The following GPC5 variants were observed in gnomAD, a reference collection of about 807,000 sequenced individuals.
GPC5 encodes glypican 5, also known as glypican-5.
A neutral mutation model predicts 53.9 loss-of-function variants in GPC5; 47 were observed. The observed-to-expected ratio is 0.87, with a 90% CI of 0.69 to 1.11. The LOEUF (loss-of-function observed/expected upper bound fraction) is 1.11. GPC5 is among the 50% of genes most tolerant of loss of function. GPC5 has a pLI of 0.00. For synonymous variants in GPC5, 286 were observed against 263.3 expected (o/e 1.09, Z -0.84); for missense variants, 748 against 713.1 (o/e 1.05, Z -0.56).
chr13:91,468,666 T>A (rs2139170128), intron 2 of GPC5, among the ~76,000 whole-genome samples: 1 of 152,224 alleles, frequency 6.6e-6, no homozygotes, highest in Admixed American at 6.5e-5. Flanking sequence ...GAACTGTGAA[T>A]CCATAAATTT....
At chr13:92,574,235 A>T (rs1202143994) in intron 7 of GPC5, among the ~76,000 whole-genome samples, 2 of 152,210 alleles carry the variant, frequency 1.3e-5, no homozygotes, top group Non-Finnish European at 2.9e-5. Flanking sequence ...AATGACTTTT[A>T]TCTAAATCCT....
intron 7 of GPC5, among the ~76,000 whole-genome samples, chr13:92,507,541 G>A (rs1465361730): frequency 6.6e-6 from 1 of 152,092 alleles, no homozygotes; most frequent in African/African-American, 2.4e-5. Flanking sequence ...TCACATAAGA[G>A]TGTGCAATTG....
intron 2 of GPC5, among the ~76,000 whole-genome samples, chr13:91,645,584 A>T (rs899913346): frequency 6.6e-6 from 1 of 152,226 alleles, no homozygotes; most frequent in Non-Finnish European, 1.5e-5. Context: ...ATTCTAAATG[A>T]CTACAAATTT....
chr13:92,033,939 A>G (rs1041142122), intron 6 of GPC5, among the ~76,000 whole-genome samples: 2 of 152,190 alleles, frequency 1.3e-5, no homozygotes, highest in Admixed American at 1.3e-4. Context: ...AAACAAGGGA[A>G]TTGTTTTGTA....
intron 7 of GPC5, among the ~76,000 whole-genome samples, chr13:92,685,560 A>ATTTTTTTTTTTTTTAT (rs1887244475): frequency 8.3e-6 from 1 of 120,880 alleles, no homozygotes; most frequent in African/African-American, 3.6e-5. Flanking sequence ...TTTTTTTTTA[A>ATTTTTTTTTTTTTTAT]TTTTTTTTTT....
intron 7 of GPC5, among the ~76,000 whole-genome samples, chr13:92,405,795 A>G (rs1875768715): frequency 6.6e-6 from 1 of 152,188 alleles, no homozygotes; most frequent in East Asian, 1.9e-4. Context: ...AAAAAAGTCT[A>G]TATTTACACG....
chr13:92,614,550 T>A (rs1259552322), intron 7 of GPC5, among the ~76,000 whole-genome samples: 1 of 152,190 alleles, frequency 6.6e-6, no homozygotes, highest in African/African-American at 2.4e-5. Context: ...ACATTTCAGG[T>A]CACTTGGCAG....
At chr13:91,896,347 CT>C (rs2039441968) in intron 5 of GPC5, among the ~76,000 whole-genome samples, 1 of 152,050 alleles carries the variant, frequency 6.6e-6, no homozygotes, top group African/African-American at 2.4e-5. Flanking sequence ...TCTGAATCTC[CT>C]GACCTCGTTA....
chr13:92,677,166 T>A (rs118076275), intron 7 of GPC5, among the ~76,000 whole-genome samples: 265 of 152,336 alleles, frequency 1.7e-3, no homozygotes, highest in South Asian at 3.5e-3. Flanking sequence ...TTTACAATTT[T>A]TTCTTAAAAA....
At chr13:92,408,954 A>G (rs916229090) in intron 7 of GPC5, among the ~76,000 whole-genome samples, 2 of 152,120 alleles carry the variant, frequency 1.3e-5, no homozygotes, top group African/African-American at 4.8e-5. Context: ...TTCATCAGGT[A>G]TATAGCTTGT....
chr13:92,597,124 GAT>G (rs1379203061), intron 7 of GPC5, among the ~76,000 whole-genome samples: 10 of 152,158 alleles, frequency 6.6e-5, no homozygotes, highest in African/African-American at 2.4e-4. Context: ...TGCTTACAAT[GAT>G]TTAACATGCA....
At chr13:91,631,581 C>T (rs1052015571) in intron 2 of GPC5, among the ~76,000 whole-genome samples, 2 of 152,000 alleles carry the variant, frequency 1.3e-5, no homozygotes, top group South Asian at 2.1e-4. Flanking sequence ...TGCCACAGAG[C>T]CCCACTGTGA....
intron 7 of GPC5, among the ~76,000 whole-genome samples, chr13:92,805,270 A>G (rs534247604): frequency 2.0e-5 from 3 of 152,184 alleles, no homozygotes; most frequent in Non-Finnish European, 2.9e-5. Context: ...CTTACAAAAT[A>G]TATTTCTTAA....
intron 7 of GPC5, among the ~76,000 whole-genome samples, chr13:92,839,530 ACTTATAAGTGAAAAC>A (rs1480122339): frequency 6.7e-6 from 1 of 148,968 alleles, no homozygotes; most frequent in Non-Finnish European, 1.5e-5. Context: ...TTTAGCTCCC[ACTTATAAGTGAAAAC>A]ATGTGGTATT....
chr13:92,277,969 TA>T (rs1311994065), intron 7 of GPC5, among the ~76,000 whole-genome samples: 39 of 151,812 alleles, frequency 2.6e-4, no homozygotes, highest in Non-Finnish European at 5.0e-4. Context: ...AATTATATAG[TA>T]AACAAGTAGA....
chr13:92,697,841 A>T (rs1887603335), intron 7 of GPC5, among the ~76,000 whole-genome samples: 1 of 152,192 alleles, frequency 6.6e-6, no homozygotes, highest in Non-Finnish European at 1.5e-5. Context: ...TTTGTCATAA[A>T]TAGCTCTTAT....
rs188691865 is a variant in GPC5 at position 92,441,731 on chromosome 13, A to C, written c.1561+296742A>C. Among the ~76,000 whole-genome samples the C allele has an allele frequency of 8.9e-4, 135 of 152,330 alleles. 1 individual carries two copies. The highest frequency in any genetic ancestry group is 8.1e-3 in the Admixed American group (124 of 15,292). On this transcript the variant is annotated intron_variant, in intron 7 of 7. Transcript: ENST00000377067. ...CATTCCATGCTTATAAACTGGAAAAATCACTATCATTAAAATGGCCCTACT... is the reference window on the plus strand; with the variant it reads ...CATTCCATGCTTATAAACTGGAAAACTCACTATCATTAAAATGGCCCTACT...
At chr13:92,590,352 C>A (rs1298535667) in intron 7 of GPC5, among the ~76,000 whole-genome samples, 1 of 152,010 alleles carries the variant, frequency 6.6e-6, no homozygotes, top group Non-Finnish European at 1.5e-5. Context: ...TGTGTGAGGA[C>A]AGTTTATCTA....
At chr13:92,397,574 A>G (rs963755730) in intron 7 of GPC5, among the ~76,000 whole-genome samples, 4 of 152,190 alleles carry the variant, frequency 2.6e-5, no homozygotes, top group African/African-American at 9.7e-5. Context: ...TGCTCCAGGT[A>G]AGCAAATCTT....
Sources: allele counts gnomAD v4.1 joint callset (sites outside exome capture counted in the v4.1 genomes callset), GRCh38; gene constraint gnomAD v4.1.1; transcripts MANE v1.5; gene names NCBI Gene and HGNC (gene_info 2026-07-23, HGNC 2026-07-21).